DLC1: variants seen among roughly 807,000 people sequenced by gnomAD.
DLC1 encodes DLC1 Rho GTPase activating protein.
In DLC1, 54 loss-of-function variants were observed where a neutral mutation model predicts 140.3. That is an observed-to-expected ratio of 0.38 (90% CI 0.31 to 0.48). The LOEUF is 0.48. DLC1 is among the 20% of genes least tolerant of loss of function. The probability of loss-of-function intolerance (pLI) is 0.96; values close to 1 mark genes in which losing one functional copy is unlikely to be tolerated. For synonymous variants in DLC1, 986 were observed against 728.1 expected (o/e 1.35, Z -5.70); for missense variants, 2,536 against 1,907.0 (o/e 1.33, Z -6.14).
chr8:13,307,081 C>CAAAAAAAAAAAAAA (rs34372620), intron 4 of DLC1, among the ~76,000 whole-genome samples: 5 of 70,148 alleles, frequency 7.1e-5, no homozygotes, highest in African/African-American at 3.1e-4. Flanking sequence ...GAGACTCTGT[C>CAAAAAAAAAAAAAA]AAAAAAAAAA....
chr8:13,267,309 T>TC (rs1830726330), intron 5 of DLC1, among the ~76,000 whole-genome samples: 1 of 152,084 alleles, frequency 6.6e-6, no homozygotes, highest in Non-Finnish European at 1.5e-5. Flanking sequence ...TTCTTACTCA[T>TC]CTAGTTTAGC....
At chr8:13,398,819 C>T (rs1013927749) in intron 3 of DLC1, among the ~76,000 whole-genome samples, 40 of 152,096 alleles carry the variant, frequency 2.6e-4, no homozygotes, top group African/African-American at 9.4e-4. Context: ...ACAGGAGCAA[C>T]ACATCTTTGA....
At chr8:13,465,864 C>G (rs1383243324) in intron 2 of DLC1, among the ~76,000 whole-genome samples, 2 of 152,156 alleles carry the variant, frequency 1.3e-5, no homozygotes, top group African/African-American at 4.8e-5. Flanking sequence ...TCCTGGTTCT[C>G]ATACCAGAAC....
chr8:13,432,569 C>G (rs145176921), intron 2 of DLC1, among the ~76,000 whole-genome samples: 15 of 152,220 alleles, frequency 9.9e-5, no homozygotes, highest in African/African-American at 3.1e-4. Flanking sequence ...TACTCTAAAT[C>G]AATTTTAAGG....
At position 13,401,579 on chromosome 8, in the gene DLC1, A is replaced by G; in HGVS notation, c.1064T>C (p.Met355Thr). The change falls in exon 3 of 18, where the codon ATG becomes ACG. Residue 355 changes from methionine (M) to threonine (T), a missense_variant. By Grantham distance (81) the Met-to-Thr change is moderately conservative (BLOSUM62 -1). Coordinates refer to ENST00000276297, the MANE Select transcript of DLC1 (RefSeq NM_182643.3). ...GTCCAGTTTCATAATCAGCAGCACC[A>G]TGGAGTCCAGCCGCGCCCTATCTCG... Reference protein sequence around the residue: ...EDRDRARLDSMVLLIMKLDQL... With the variant: ...EDRDRARLDSTVLLIMKLDQL... The G allele has an allele frequency of 3.1e-6, 5 of 1,613,866 alleles. No homozygotes were observed. Among genetic ancestry groups the G allele is most frequent in the South Asian group, 1.1e-5 (1 of 91,064 alleles).
intron 5 of DLC1, among the ~76,000 whole-genome samples, chr8:13,285,788 G>A (rs1053851469): frequency 2.6e-5 from 4 of 152,020 alleles, no homozygotes; most frequent in Non-Finnish European, 5.9e-5. Flanking sequence ...TCCACTCCTA[G>A]GAATTACTAA....
At chr8:13,098,596 A>G (rs1316867099) in intron 9 of DLC1, 21 bp from the exon 10 acceptor site, 1 of 1,602,904 alleles carries the variant, frequency 6.2e-7, no homozygotes, top group Non-Finnish European at 8.5e-7. Context: ...AGAGGAGAGG[A>G]AAATGAGTGT....
chr8:13,234,122 A>G (rs952509770), intron 5 of DLC1, among the ~76,000 whole-genome samples: 1 of 152,182 alleles, frequency 6.6e-6, no homozygotes, highest in African/African-American at 2.4e-5. Context: ...TACATTTATA[A>G]AGCAAGATAG....
intron 5 of DLC1, among the ~76,000 whole-genome samples, chr8:13,239,412 T>C (rs1223410725): frequency 6.6e-6 from 1 of 152,008 alleles, no homozygotes; most frequent in Non-Finnish European, 1.5e-5. Flanking sequence ...TGAGTTGGGT[T>C]ACAAGGACCA....
rs537739227 is a variant in DLC1, at chr8:13,102,416, T to C, written c.1566+374A>G. On this transcript the variant is annotated intron_variant, in intron 8 of 17. Coordinates refer to ENST00000276297, the MANE Select transcript of DLC1 (RefSeq NM_182643.3). ...TCTCTACAGCTTTGAAGCACAGTTA[T>C]TGTTATATTTGGGAAGACAGAAGAG... Among the ~76,000 whole-genome samples, 5 of 152,246 alleles carry C rather than the reference T, an allele frequency of 3.3e-5. No homozygotes were observed. The East Asian group carries it at 9.7e-4, about 29-fold the overall frequency.
intron 5 of DLC1, among the ~76,000 whole-genome samples, chr8:13,142,750 T>A (rs959033591): frequency 6.6e-6 from 1 of 152,130 alleles, no homozygotes; most frequent in East Asian, 1.9e-4. Context: ...CCTCAAAATA[T>A]ACAGAGTAAA....
chr8:13,351,007 C>T (rs986250981), intron 4 of DLC1, among the ~76,000 whole-genome samples: 6 of 152,118 alleles, frequency 3.9e-5, no homozygotes, highest in Admixed American at 1.3e-4. Flanking sequence ...GATACAGATG[C>T]TTGGTTTTGA....
chr8:13,156,973 T>A (rs71514458), intron 5 of DLC1, among the ~76,000 whole-genome samples: 4 of 152,212 alleles, frequency 2.6e-5, no homozygotes, highest in African/African-American at 7.2e-5. Context: ...CAGGATTAAC[T>A]GCAACGTCTG....
At chr8:13,274,390 T>C (rs1036699242) in intron 5 of DLC1, among the ~76,000 whole-genome samples, 2 of 152,214 alleles carry the variant, frequency 1.3e-5, no homozygotes, top group Admixed American at 1.3e-4. Context: ...CTGTGTGAGT[T>C]ACTTCAGAGG....
rs904278777 is a variant in DLC1, at chr8:13,391,047, C to T, written c.1314+2506G>A. Among the ~76,000 whole-genome samples the T allele has an allele frequency of 1.3e-5, 2 of 151,520 alleles. 1 individual carries two copies. The highest frequency in any genetic ancestry group is 4.2e-4 in the South Asian group (2 of 4,752). On this transcript the variant is annotated intron_variant, in intron 4 of 17. Coordinates refer to ENST00000276297, the MANE Select transcript of DLC1 (RefSeq NM_182643.3). Reference sequence around the variant, plus strand: ...TTTTCAAGTTACTCTTATTATTGGCCATTTAAAGAAAAGAAATTTCGTAAA... The same window carrying T: ...TTTTCAAGTTACTCTTATTATTGGCTATTTAAAGAAAAGAAATTTCGTAAA...
chr8:13,131,195 T>G (rs1822045270), intron 5 of DLC1, among the ~76,000 whole-genome samples: 1 of 152,186 alleles, frequency 6.6e-6, no homozygotes, highest in Non-Finnish European at 1.5e-5. Context: ...ACTTACAGTC[T>G]GCAAATTATT....
In DLC1 at chr8:13,245,946, C is replaced by T. The variant is rs529236654; in HGVS notation, c.1348+59323G>A. Among the ~76,000 whole-genome samples the T allele has an allele frequency of 3.3e-5, 5 of 152,250 alleles. 1 individual carries two copies. In the South Asian group the frequency reaches 1.0e-3, roughly 32 times the overall value. ...TGAACTCCTGACCTCAAGTGATTCACCCGCCTCAACCCCTCAAAGTGCTGG... is the reference window on the plus strand; with the variant it reads ...TGAACTCCTGACCTCAAGTGATTCATCCGCCTCAACCCCTCAAAGTGCTGG... On this transcript the variant is annotated intron_variant, in intron 5 of 17. Coordinates refer to ENST00000276297, the MANE Select transcript of DLC1 (RefSeq NM_182643.3).
intron 5 of DLC1, among the ~76,000 whole-genome samples, chr8:13,155,990 C>A (rs1824222145): frequency 6.6e-6 from 1 of 151,956 alleles, no homozygotes; most frequent in South Asian, 2.1e-4. Flanking sequence ...AAAATCTGTT[C>A]TTTAAATTTA....
At chr8:13,276,202 T>G in intron 5 of DLC1, 1 of 1,525,384 alleles carries the variant, frequency 6.6e-7, no homozygotes, top group South Asian at 1.2e-5. Context: ...GTCTTCGCAG[T>G]AAATTGTTTT....
Sources: allele counts gnomAD v4.1 joint callset (sites outside exome capture counted in the v4.1 genomes callset), GRCh38; gene constraint gnomAD v4.1.1; transcripts MANE v1.5; gene names NCBI Gene and HGNC (gene_info 2026-07-23, HGNC 2026-07-21).